The following MECOM variants were observed in gnomAD, a reference collection of about 807,000 sequenced individuals.
MECOM encodes the protein histone-lysine N-methyltransferase MECOM.
In MECOM, 13 loss-of-function variants were observed where a neutral mutation model predicts 116.3. That is an observed-to-expected ratio of 0.11 (90% CI 0.07 to 0.18). MECOM has a LOEUF of 0.18. Among genes scored for constraint, MECOM ranks in the 10% least tolerant of loss-of-function variants. The probability of loss-of-function intolerance (pLI) is 1.00; values close to 1 mark genes in which losing one functional copy is unlikely to be tolerated. For missense variants in MECOM, 1,299 were observed against 1,509.0 expected (o/e 0.86, Z 2.31); for synonymous variants, 528 against 535.2 (o/e 0.99, Z 0.19).
rs71166260 is a variant in MECOM, at chr3:169,663,474, GTCTCTCTCTCTC to G, written c.-114_-103del. Reference sequence around the variant, plus strand: ...CTCTCGCTCCCTCCCTCTCTCTCCTGTCTCTCTCTCTCTCTCTCTCTCTCTCTCTCTCTCTCT... The same window carrying G: ...CTCTCGCTCCCTCCCTCTCTCTCCTGTCTCTCTCTCTCTCTCTCTCTCTCT... On this transcript the variant is annotated 5_prime_UTR_variant, in exon 1 of 17. Transcript: ENST00000651503. 43,730 of 565,806 alleles carry G rather than the reference GTCTCTCTCTCTC, an allele frequency of 0.077. 816 individuals carry two copies. The highest frequency in any genetic ancestry group is 0.14 in the Admixed American group (2,585 of 18,884). The allele number at this position is 565,806 out of a possible 1,614,324, so 35.0% of individuals were successfully genotyped here. A position where few individuals can be genotyped will look rare whatever the true frequency, so the allele number is the denominator to read the frequency against.
At chr3:169,183,530 T>G (rs541273089) in intron 2 of MECOM, among the ~76,000 whole-genome samples, 1 of 152,216 alleles carries the variant, frequency 6.6e-6, no homozygotes, top group South Asian at 2.1e-4. Flanking sequence ...TATTTCACCC[T>G]TTTGCTGAAA....
At chr3:169,088,781 T>C (rs1718677066) in intron 16 of MECOM, among the ~76,000 whole-genome samples, 3 of 152,154 alleles carry the variant, frequency 2.0e-5, no homozygotes, top group Non-Finnish European at 4.4e-5. Flanking sequence ...TGTCATAAAA[T>C]TTCTATACAG....
intron 1 of MECOM, among the ~76,000 whole-genome samples, chr3:169,533,475 C>T (rs892479782): frequency 1.3e-5 from 2 of 151,700 alleles, no homozygotes; most frequent in South Asian, 2.1e-4. Context: ...ATTTACCATT[C>T]GCTGAAATGC....
intron 2 of MECOM, among the ~76,000 whole-genome samples, chr3:169,190,107 T>C (rs1050581512): frequency 1.3e-5 from 2 of 152,038 alleles, no homozygotes; most frequent in African/African-American, 2.4e-5. Context: ...AAAATAACTC[T>C]GGCTAAATAT....
intron 2 of MECOM, among the ~76,000 whole-genome samples, chr3:169,367,062 A>T (rs1455840038): frequency 6.6e-6 from 1 of 152,100 alleles, no homozygotes; most frequent in Non-Finnish European, 1.5e-5. Flanking sequence ...GTCCTCCTTT[A>T]TTAGCCAAAT....
chr3:169,146,153 C>A (rs1739832159), intron 2 of MECOM: 3 of 936,532 alleles, frequency 3.2e-6, no homozygotes, highest in Non-Finnish European at 2.7e-6. Context: ...TAAAAAAAAA[C>A]CGTTTAGGTA....
intron 2 of MECOM, among the ~76,000 whole-genome samples, chr3:169,281,478 G>A (rs538546312): frequency 6.6e-6 from 1 of 152,218 alleles, no homozygotes; most frequent in Admixed American, 6.5e-5. Flanking sequence ...TGCTTGTCTT[G>A]TCATGCATCA....
intron 1 of MECOM, among the ~76,000 whole-genome samples, chr3:169,642,508 C>T (rs1773624859): frequency 1.3e-5 from 2 of 148,530 alleles, no homozygotes; most frequent in Admixed American, 1.3e-4. Context: ...GGTTCTTAAG[C>T]CAACTAACAA....
intron 2 of MECOM, among the ~76,000 whole-genome samples, chr3:169,318,800 T>C (rs1017465356): frequency 5.3e-5 from 8 of 152,112 alleles, no homozygotes; most frequent in African/African-American, 1.9e-4. Flanking sequence ...ATCATTCTAC[T>C]ATAAAGACAC....
intron 1 of MECOM, among the ~76,000 whole-genome samples, chr3:169,613,219 T>C (rs1304466487): frequency 2.6e-5 from 4 of 152,224 alleles, no homozygotes; most frequent in African/African-American, 7.2e-5. Context: ...CTCTCATTTA[T>C]ATCGAAGACA....
chr3:169,621,746 G>C (rs184173623), intron 1 of MECOM, among the ~76,000 whole-genome samples: 1 of 152,252 alleles, frequency 6.6e-6, no homozygotes, highest in Non-Finnish European at 1.5e-5. Context: ...AATAGAGTGA[G>C]ACTCTGTCTC....
intron 2 of MECOM, among the ~76,000 whole-genome samples, chr3:169,203,354 C>G (rs1346772072): frequency 6.6e-6 from 1 of 151,936 alleles, no homozygotes; most frequent in Non-Finnish European, 1.5e-5. Context: ...GTTTAAATAG[C>G]TGGATTGGAG....
chr3:169,115,047 C>T (rs16853173), intron 8 of MECOM, among the ~76,000 whole-genome samples: 10,611 of 152,152 alleles, frequency 0.07, 438 homozygotes, highest in East Asian at 0.14. Context: ...TGCATTAATC[C>T]TTCAGGATCC....
At chr3:169,225,524 A>G (rs796499830) in intron 2 of MECOM, among the ~76,000 whole-genome samples, 15 of 152,340 alleles carry the variant, frequency 9.8e-5, no homozygotes, top group African/African-American at 3.6e-4. Context: ...ATTCAAAAAC[A>G]GGGCCCATAC....
intron 1 of MECOM, among the ~76,000 whole-genome samples, chr3:169,459,663 G>A (rs988289959): frequency 6.6e-6 from 1 of 152,182 alleles, no homozygotes; most frequent in African/African-American, 2.4e-5. Flanking sequence ...CATCAGGCTT[G>A]TATTCCCCCT....
chr3:169,496,695 G>C (rs901288556), intron 1 of MECOM, among the ~76,000 whole-genome samples: 1 of 152,178 alleles, frequency 6.6e-6, no homozygotes, highest in Non-Finnish European at 1.5e-5. Flanking sequence ...CTTCCTCAGA[G>C]CATGGTTGGA....
intron 2 of MECOM, among the ~76,000 whole-genome samples, chr3:169,379,956 T>A (rs1216119771): frequency 6.6e-6 from 1 of 152,152 alleles, no homozygotes; most frequent in Non-Finnish European, 1.5e-5. Flanking sequence ...TTACTGGGGC[T>A]ATGGTTAAGA....
At chr3:169,260,937 A>G (rs1217656776) in intron 2 of MECOM, among the ~76,000 whole-genome samples, 1 of 152,256 alleles carries the variant, frequency 6.6e-6, no homozygotes, top group East Asian at 1.9e-4. Context: ...GTATGTCAAA[A>G]TTCAGTGCAT....
chr3:169,146,173 G>A (rs1419066231), intron 2 of MECOM: 14 of 1,072,728 alleles, frequency 1.3e-5, no homozygotes, highest in East Asian at 8.7e-5. Flanking sequence ...AGACTTTAGA[G>A]AAAGGCCCTT....
Sources: allele counts gnomAD v4.1 joint callset (sites outside exome capture counted in the v4.1 genomes callset), GRCh38; gene constraint gnomAD v4.1.1; transcripts MANE v1.5; gene names NCBI Gene and HGNC (gene_info 2026-07-23, HGNC 2026-07-21).